Variants in WDR59 observed in about 807,000 individuals in gnomAD.
WDR59 encodes the protein GATOR2 complex protein WDR59.
Under a neutral mutation model 131.2 loss-of-function variants are expected in WDR59, and 100 were observed. The observed-to-expected ratio is 0.76, with a 90% CI of 0.65 to 0.90. The LOEUF (loss-of-function observed/expected upper bound fraction) is 0.90, where lower values mean the gene tolerates loss of function less well. Among genes scored for constraint, WDR59 ranks in the 40% least tolerant of loss-of-function variants. WDR59 has a pLI of 0.00. For synonymous variants in WDR59, 601 were observed against 466.2 expected (o/e 1.29, Z -3.72); for missense variants, 1,203 against 1,262.2 (o/e 0.95, Z 0.71).
In WDR59 at chr16:74,942,824, CCG is replaced by C; in HGVS notation, c.446_447del (p.Ala149GlyfsTer9). The part of the protein sequence containing the change: ...RKPTVALSAV[A>X]GASQVKWNKK... Reference sequence around the variant, plus strand: ...TTATTCCATTTGACCTGGGAGGCACCCGCTGCAAAGAAAAATCAGGGAAGAAA... The same window carrying C: ...TTATTCCATTTGACCTGGGAGGCACCCTGCAAAGAAAAATCAGGGAAGAAA... On this transcript the variant is annotated frameshift_variant and splice_region_variant, in exon 7 of 26. Transcript: ENST00000262144. LOFTEE classifies it high-confidence loss of function. 1.9e-6 allele frequency: 3 copies of C among 1,613,152 alleles called. No individual in the cohort carries two copies. Among genetic ancestry groups the C allele is most frequent in the Non-Finnish European group, 2.5e-6 (3 of 1,179,682 alleles).
intron 18 of WDR59, among the ~76,000 whole-genome samples, chr16:74,900,890 A>G (rs983066498): frequency 1.3e-5 from 2 of 152,246 alleles, no homozygotes; most frequent in Admixed American, 6.5e-5. Context: ...TGGCCAAGGC[A>G]GGTGGATCAC....
chr16:74,916,401 T>A, intron 11 of WDR59, 142 bp from the exon 12 acceptor site: 1 of 1,072,814 alleles, frequency 9.3e-7, no homozygotes, highest in Non-Finnish European at 1.4e-6. Context: ...CAAAATAGAT[T>A]TTACCCATTG....
intron 11 of WDR59, 119 bp from the exon 12 acceptor site, chr16:74,916,378 GA>G: frequency 1.4e-5 from 18 of 1,264,000 alleles, no homozygotes; most frequent in Non-Finnish European, 2.0e-5. Flanking sequence ...TGTCAGCCAA[GA>G]GCTGACATAA....
In WDR59 at chr16:74,912,310, C is replaced by T. The variant is rs1484780330; in HGVS notation, c.1277G>A (p.Arg426His). Residue 426 changes from arginine (R) to histidine (H), a missense_variant, in exon 14 of 26, where the codon CGT becomes CAT. Transcript: ENST00000262144. Reference protein sequence around the residue: ...CTVSVHCSNHRVKMLVKFPAQ... With the variant: ...CTVSVHCSNHHVKMLVKFPAQ... ...AGGGAACTTCACCAGCATCTTGACA[C>T]GATGGTTGCTGCAGTGCACAGACAC... The T allele has an allele frequency of 7.4e-6, 12 of 1,614,142 alleles. No homozygotes were observed. Among genetic ancestry groups the T allele is most frequent in the South Asian group, 2.2e-5 (2 of 91,082 alleles).
intron 1 of WDR59, among the ~76,000 whole-genome samples, chr16:74,975,577 T>C (rs527651486): frequency 3.0e-4 from 45 of 151,320 alleles, no homozygotes; most frequent in African/African-American, 7.3e-4. Flanking sequence ...GGCAGGAGAA[T>C]TGCTTGAACC....
chr16:74,883,101 C>T (rs141702427), intron 25 of WDR59, among the ~76,000 whole-genome samples: 2,315 of 148,704 alleles, frequency 0.016, 41 homozygotes, highest in African/African-American at 0.052. Context: ...CTCGGCTCAC[C>T]GCAACCTCCG....
At chr16:74,886,026 A>C in intron 24 of WDR59, 1 of 666,020 alleles carries the variant, frequency 1.5e-6, no homozygotes, top group South Asian at 2.1e-5. Flanking sequence ...AAAATACAAA[A>C]AATTAGCCAG....
intron 1 of WDR59, among the ~76,000 whole-genome samples, chr16:74,984,204 G>A (rs765729007): frequency 6.6e-6 from 1 of 152,086 alleles, no homozygotes; most frequent in Non-Finnish European, 1.5e-5. Flanking sequence ...TTGAATCCCG[G>A]AGGCGGAGGT....
chr16:74,903,733 G>A (rs1027036577), intron 18 of WDR59, among the ~76,000 whole-genome samples: 11 of 152,226 alleles, frequency 7.2e-5, no homozygotes, highest in Middle Eastern at 6.8e-3. Flanking sequence ...AAAGATTACG[G>A]ACCATAAGAA....
At chr16:74,922,133 T>G in intron 9 of WDR59, 30 bp from the exon 10 acceptor site, 1 of 1,612,974 alleles carries the variant, frequency 6.2e-7, no homozygotes, top group Non-Finnish European at 8.5e-7. Flanking sequence ...AGCAGGTGAT[T>G]AGATTATTTC....
intron 18 of WDR59, among the ~76,000 whole-genome samples, chr16:74,901,314 G>A (rs1331398972): frequency 6.6e-6 from 1 of 151,902 alleles, no homozygotes; most frequent in Non-Finnish European, 1.5e-5. Flanking sequence ...ATGCCTTAAG[G>A]CAGTTACATT....
At position 74,904,016 on chromosome 16, in the gene WDR59, T is replaced by A; in HGVS notation, c.1797A>T (p.Leu599Phe). The part of the protein sequence containing the change: ...IRTEAPGNLR[L>F]YSGSPTRSEK... ...CGCTGCGAGTGGGGCTCCCACTGTA[T>A]AAACGAAGGTTCCCAGGGGCCTCTG... Residue 599 changes from leucine (L) to phenylalanine (F), a missense_variant, in exon 18 of 26, where the codon TTA (leucine) becomes TTT (phenylalanine). Leu to Phe is a conservative substitution (Grantham distance 22). Coordinates refer to ENST00000262144, the MANE Select transcript of WDR59 (RefSeq NM_030581.4). 1 of 1,612,356 alleles carries A rather than the reference T, an allele frequency of 6.2e-7. No homozygotes were observed. The highest frequency in any genetic ancestry group is 8.5e-7 in the Non-Finnish European group (1 of 1,179,496).
chr16:74,963,473 G>A (rs1043447514), intron 2 of WDR59, among the ~76,000 whole-genome samples: 7 of 152,060 alleles, frequency 4.6e-5, no homozygotes, highest in African/African-American at 1.4e-4. Context: ...ATTATCCTCA[G>A]CAAACTAACA....
intron 1 of WDR59, among the ~76,000 whole-genome samples, chr16:74,984,160 C>T (rs2034534516): frequency 6.6e-6 from 1 of 151,852 alleles, no homozygotes; most frequent in Admixed American, 6.6e-5. Flanking sequence ...ACCTGTAATC[C>T]CAGCTACTTG....
At chr16:74,971,776 G>A (rs115382477) in intron 1 of WDR59, among the ~76,000 whole-genome samples, 200 of 152,222 alleles carry the variant, frequency 1.3e-3, no homozygotes, top group African/African-American at 4.7e-3. Context: ...GGAGTGCAGT[G>A]GTACTCACTG....
intron 3 of WDR59, among the ~76,000 whole-genome samples, chr16:74,952,449 A>C (rs1293651297): frequency 2.7e-5 from 4 of 146,992 alleles, no homozygotes; most frequent in Admixed American, 2.0e-4. Flanking sequence ...CTCAAACAAA[A>C]AAAAAAAAAA....
chr16:74,932,067 T>TTA (rs77458465), intron 8 of WDR59, among the ~76,000 whole-genome samples: 3 of 149,922 alleles, frequency 2.0e-5, no homozygotes, highest in East Asian at 1.9e-4. Context: ...AAGCATAATT[T>TTA]TATATATACA....
intron 8 of WDR59, among the ~76,000 whole-genome samples, chr16:74,933,875 G>A (rs868036645): frequency 1.3e-5 from 2 of 152,104 alleles, no homozygotes; most frequent in African/African-American, 2.4e-5. Context: ...GTGAGCCACC[G>A]CACCAGCCAT....
At position 74,945,979 on chromosome 16, in the gene WDR59, G is replaced by A. The variant is rs1023433219; in HGVS notation, c.445+2540C>T. On this transcript the variant is annotated intron_variant, in intron 6 of 25. Transcript: ENST00000262144. ...ATTACAGGCATGCACCACCACGCCC[G>A]GCTAATTTTGTATTTTTAGTAGAGA... 7.9e-5 allele frequency among the ~76,000 whole-genome samples: 12 copies of A among 151,972 alleles called. No homozygotes were observed. In the East Asian group the frequency reaches 9.7e-4, roughly 12 times the overall value.
Sources: gnomAD v4.1 joint callset for allele counts (sites outside exome capture counted in the v4.1 genomes callset) on GRCh38, gnomAD v4.1.1 for gene constraint, MANE v1.5 for transcripts, NCBI Gene and HGNC (gene_info 2026-07-23, HGNC 2026-07-21) for gene names.